The following ROBO2 variants were observed in gnomAD, a reference collection of about 807,000 sequenced individuals.
ROBO2 encodes roundabout guidance receptor 2.
In ROBO2, 53 loss-of-function variants were observed where a neutral mutation model predicts 160.8. The observed-to-expected ratio is 0.33, with a 90% CI of 0.26 to 0.41. The LOEUF is 0.41. Ranked by LOEUF, ROBO2 falls within the 10% of genes least tolerant of loss-of-function variation. ROBO2 has a pLI of 1.00. For missense variants in ROBO2, 1,577 were observed against 1,722.4 expected (o/e 0.92, Z 1.49); for synonymous variants, 664 against 611.7 (o/e 1.09, Z -1.26).
chr3:76,997,101 A>G (rs1053716843), intron 2 of ROBO2, among the ~76,000 whole-genome samples: 7 of 152,160 alleles, frequency 4.6e-5, no homozygotes, highest in African/African-American at 1.4e-4. Flanking sequence ...CCATAGTTAT[A>G]TGCTACTCCA....
chr3:76,130,123 A>G (rs1210277061), intron 2 of ROBO2, among the ~76,000 whole-genome samples: 1 of 152,096 alleles, frequency 6.6e-6, no homozygotes, highest in Non-Finnish European at 1.5e-5. Context: ...GGGAATTTTC[A>G]TATATACTGG....
chr3:75,929,333 T>C (rs1200077672), intron 1 of ROBO2, among the ~76,000 whole-genome samples: 1 of 152,142 alleles, frequency 6.6e-6, no homozygotes, highest in Non-Finnish European at 1.5e-5. Context: ...CATTAAAATT[T>C]TTCTATACTT....
chr3:77,337,448 T>C (rs1451693643), intron 2 of ROBO2, among the ~76,000 whole-genome samples: 1 of 152,148 alleles, frequency 6.6e-6, no homozygotes, highest in Non-Finnish European at 1.5e-5. Flanking sequence ...TAAAGGCTGC[T>C]CAAGTTCAAA....
intron 2 of ROBO2, among the ~76,000 whole-genome samples, chr3:76,402,551 A>G (rs1475521710): frequency 6.6e-6 from 1 of 151,576 alleles, no homozygotes; most frequent in East Asian, 1.9e-4. Context: ...GTCTCACCCA[A>G]CTAAAATTAA....
At chr3:75,952,096 G>A (rs1948561114) in intron 2 of ROBO2, among the ~76,000 whole-genome samples, 1 of 152,004 alleles carries the variant, frequency 6.6e-6, no homozygotes, top group South Asian at 2.1e-4. Flanking sequence ...ATGTAGCACA[G>A]TAAGTCCACT....
At chr3:77,445,794 G>GTTTTGT (rs1283945090) in intron 2 of ROBO2, among the ~76,000 whole-genome samples, 1 of 123,078 alleles carries the variant, frequency 8.1e-6, no homozygotes, top group African/African-American at 3.2e-5. Context: ...GTTTTTTTTT[G>GTTTTGT]TTTTTTTTTT....
chr3:77,296,177 G>T lies in ROBO2; in HGVS notation c.389-181237G>T, dbSNP rs540513996. On this transcript the variant is annotated intron_variant, in intron 2 of 25. Transcript: ENST00000461745. ...CGGCTAAACGAGTAAGCTGAGGCTA[G>T]ATCACCCCAGACATAAAGTAAAATT... Among the ~76,000 whole-genome samples, 23 of 150,994 alleles carry T rather than the reference G, an allele frequency of 1.5e-4. No individual in the cohort carries two copies. In the East Asian group the frequency reaches 4.1e-3, roughly 27 times the overall value.
At chr3:76,616,408 G>A (rs1215073854) in intron 2 of ROBO2, among the ~76,000 whole-genome samples, 1 of 152,164 alleles carries the variant, frequency 6.6e-6, no homozygotes, top group African/African-American at 2.4e-5. Context: ...TGTCCAACAG[G>A]TAGGAACACC....
chr3:76,001,538 ATGTGTGTGTG>A (rs148053892), intron 2 of ROBO2, among the ~76,000 whole-genome samples: 1 of 150,810 alleles, frequency 6.6e-6, no homozygotes, highest in Non-Finnish European at 1.5e-5. Context: ...GTATGTGTGT[ATGTGTGTGTG>A]TGTGTCTGTG....
intron 2 of ROBO2, among the ~76,000 whole-genome samples, chr3:75,993,952 C>T (rs2065650327): frequency 6.6e-6 from 1 of 152,164 alleles, no homozygotes; most frequent in Non-Finnish European, 1.5e-5. Flanking sequence ...ATACTATTTA[C>T]TTTATTTACA....
At chr3:77,047,452 A>C (rs1223412639) in intron 1 of ROBO2, among the ~76,000 whole-genome samples, 1 of 151,790 alleles carries the variant, frequency 6.6e-6, no homozygotes, top group Non-Finnish European at 1.5e-5. Flanking sequence ...TGGGAGGGTG[A>C]GGTGTGTGGA....
intron 2 of ROBO2, among the ~76,000 whole-genome samples, chr3:76,233,515 C>T (rs1193647573): frequency 6.6e-6 from 1 of 152,146 alleles, no homozygotes; most frequent in African/African-American, 2.4e-5. Context: ...TGGAATATAG[C>T]ATTTACTGCA....
chr3:77,180,225 T>A (rs1433851117), intron 2 of ROBO2, among the ~76,000 whole-genome samples: 1 of 151,866 alleles, frequency 6.6e-6, no homozygotes, highest in Non-Finnish European at 1.5e-5. Context: ...GTATAAATTC[T>A]ATGTTGCAGC....
chr3:76,320,779 G>A (rs1473272223), intron 2 of ROBO2, among the ~76,000 whole-genome samples: 1 of 152,214 alleles, frequency 6.6e-6, no homozygotes. Flanking sequence ...GGGATTTAGG[G>A]TTGAGGTTGT....
chr3:77,320,234 A>G (rs959694281), intron 2 of ROBO2, among the ~76,000 whole-genome samples: 4 of 152,136 alleles, frequency 2.6e-5, no homozygotes, highest in Admixed American at 2.0e-4. Flanking sequence ...ATGGCCTTAT[A>G]CTGGAAGACA....
chr3:75,988,585 T>A (rs926820203), intron 2 of ROBO2, among the ~76,000 whole-genome samples: 4 of 152,134 alleles, frequency 2.6e-5, no homozygotes, highest in Non-Finnish European at 5.9e-5. Context: ...GGTTCTTGAT[T>A]TAAGATCTGC....
At chr3:76,345,260 G>A (rs1394049947) in intron 2 of ROBO2, among the ~76,000 whole-genome samples, 2 of 152,156 alleles carry the variant, frequency 1.3e-5, no homozygotes, top group South Asian at 2.1e-4. Flanking sequence ...CCCAAGTCAT[G>A]GGAAAGGCCT....
chr3:77,568,630 C>A (rs1234526657), intron 13 of ROBO2, among the ~76,000 whole-genome samples, 196 bp downstream of exon 14: 1 of 152,008 alleles, frequency 6.6e-6, no homozygotes, highest in African/African-American at 2.4e-5. Context: ...ATTATATAAA[C>A]ATGGCATATC....
At chr3:77,413,540 A>C (rs536614339) in intron 2 of ROBO2, among the ~76,000 whole-genome samples, 26 of 152,310 alleles carry the variant, frequency 1.7e-4, no homozygotes, top group African/African-American at 5.8e-4. Context: ...GACTTACTGA[A>C]ATGATCTTGA....
Sources: allele counts gnomAD v4.1 joint callset (sites outside exome capture counted in the v4.1 genomes callset), GRCh38; gene constraint gnomAD v4.1.1; transcripts MANE v1.5; gene names NCBI Gene and HGNC (gene_info 2026-07-23, HGNC 2026-07-21).